The following CALN1 variants were observed in gnomAD, a reference collection of about 807,000 sequenced individuals.
The protein encoded by CALN1 is calcium-binding protein 8.
Under a neutral mutation model 30.6 loss-of-function variants are expected in CALN1, and 17 were observed. The observed-to-expected ratio is 0.56, with a 90% CI of 0.38 to 0.83. CALN1 has a LOEUF of 0.83. CALN1 is among the 40% of genes least tolerant of loss of function. The probability of loss-of-function intolerance (pLI) is 0.00; values close to 1 mark genes in which losing one functional copy is unlikely to be tolerated. For missense variants in CALN1, 291 were observed against 354.9 expected (o/e 0.82, Z 1.45); for synonymous variants, 156 against 131.4 (o/e 1.19, Z -1.28).
chr7:72,025,372 G>A (rs1449395601), intron 4 of CALN1, among the ~76,000 whole-genome samples: 1 of 152,140 alleles, frequency 6.6e-6, no homozygotes, highest in Non-Finnish European at 1.5e-5. Context: ...TCACTGATTT[G>A]CATGCCTATC....
At chr7:72,146,082 C>T (rs1031397500) in intron 3 of CALN1, among the ~76,000 whole-genome samples, 2 of 152,214 alleles carry the variant, frequency 1.3e-5, no homozygotes, top group Non-Finnish European at 2.9e-5. Context: ...TGCCCTCTCT[C>T]ACCACTCCTA....
chr7:71,944,736 T>C (rs1188657896), intron 5 of CALN1, among the ~76,000 whole-genome samples: 1 of 152,122 alleles, frequency 6.6e-6, no homozygotes, highest in Non-Finnish European at 1.5e-5. Context: ...AATCAGTGAA[T>C]TAATACATCC....
rs751763934 is a variant in CALN1 at position 71,962,458 on chromosome 7, G to A, written c.501+61199C>T. On this transcript the variant is annotated intron_variant, in intron 5 of 6. Transcript: ENST00000395275. ...ATTACCTGTAACAAATACCAATACC[G>A]AGTCCATGCTGCGAACTGCTGGCAA... Among the ~76,000 whole-genome samples, 28 of 152,032 alleles carry A rather than the reference G, an allele frequency of 1.8e-4. No individual in the cohort carries two copies. In the East Asian group the frequency reaches 3.1e-3, roughly 17 times the overall value.
chr7:71,869,617 A>C (rs1362434917), intron 5 of CALN1, among the ~76,000 whole-genome samples: 1 of 152,158 alleles, frequency 6.6e-6, no homozygotes, highest in African/African-American at 2.4e-5. Context: ...ACAGGTAATC[A>C]ATATTTTTAA....
chr7:72,431,464 C>T (rs1217939840), intron 1 of CALN1, among the ~76,000 whole-genome samples: 1 of 152,118 alleles, frequency 6.6e-6, no homozygotes, highest in Admixed American at 6.6e-5. Context: ...ACTGCAGCAG[C>T]CTCTATTGCC....
At chr7:72,227,055 A>G (rs995390976) in intron 3 of CALN1, among the ~76,000 whole-genome samples, 2 of 151,900 alleles carry the variant, frequency 1.3e-5, no homozygotes, top group Non-Finnish European at 2.9e-5. Flanking sequence ...ACAGAAAAGT[A>G]AAGATGGGAA....
intron 5 of CALN1, among the ~76,000 whole-genome samples, chr7:71,885,450 C>T (rs1185802694): frequency 6.6e-6 from 1 of 152,344 alleles, no homozygotes; most frequent in South Asian, 2.1e-4. Context: ...CCGCCCCCAG[C>T]CGCCAATGTT....
At chr7:72,414,133 T>C (rs990441555), upstream of CALN1, among the ~76,000 whole-genome samples, 2 of 152,042 alleles carry the variant, frequency 1.3e-5, no homozygotes, top group East Asian at 1.9e-4. Flanking sequence ...GATTCACTCA[T>C]TGGAGGCAGA....
chr7:72,057,827 T>C (rs1803367399), intron 4 of CALN1, among the ~76,000 whole-genome samples: 1 of 152,210 alleles, frequency 6.6e-6, no homozygotes, highest in African/African-American at 2.4e-5. Context: ...GTTTCTGTAT[T>C]GGCATGAAAT....
chr7:72,401,536 C>T (rs753817028), intron 2 of CALN1, among the ~76,000 whole-genome samples: 1 of 152,112 alleles, frequency 6.6e-6, no homozygotes, highest in Non-Finnish European at 1.5e-5. Flanking sequence ...TGTAGAGACC[C>T]TTAGCCCCAG....
chr7:72,243,509 C>T (rs2129551487), intron 3 of CALN1, among the ~76,000 whole-genome samples: 2 of 152,226 alleles, frequency 1.3e-5, no homozygotes, highest in Middle Eastern at 3.4e-3. Context: ...CAAACCTTAG[C>T]TGCATCCGGG....
intron 1 of CALN1, among the ~76,000 whole-genome samples, chr7:72,422,326 C>T (rs1025857475): frequency 3.9e-5 from 6 of 152,150 alleles, no homozygotes; most frequent in African/African-American, 9.7e-5. Context: ...TGACCATTCT[C>T]GCAGGAGTAA....
At chr7:72,132,448 G>A (rs540410131) in intron 3 of CALN1, among the ~76,000 whole-genome samples, 1 of 152,272 alleles carries the variant, frequency 6.6e-6, no homozygotes, top group East Asian at 1.9e-4. Context: ...TCAAAAATGT[G>A]TAAGTCAAGC....
chr7:71,978,491 GTCTTGATCTCCTGACC>G (rs1419710869), intron 5 of CALN1, among the ~76,000 whole-genome samples: 1 of 151,836 alleles, frequency 6.6e-6, no homozygotes, highest in African/African-American at 2.4e-5. Flanking sequence ...AGCCAGGATG[GTCTTGATCTCCTGACC>G]TCGTGATCCG....
intron 5 of CALN1, among the ~76,000 whole-genome samples, chr7:71,935,450 G>C (rs1795777124): frequency 6.6e-6 from 1 of 152,158 alleles, no homozygotes; most frequent in Non-Finnish European, 1.5e-5. Context: ...ATCCCTCTAG[G>C]CCAGGTGCGG....
At chr7:71,975,615 G>T (rs1323410006) in intron 5 of CALN1, among the ~76,000 whole-genome samples, 1 of 151,780 alleles carries the variant, frequency 6.6e-6, no homozygotes, top group Non-Finnish European at 1.5e-5. Flanking sequence ...TATTTTTCTA[G>T]AGATAGGATC....
intron 4 of CALN1, among the ~76,000 whole-genome samples, chr7:72,076,775 C>T (rs949053672): frequency 2.6e-5 from 4 of 151,938 alleles, no homozygotes. Context: ...AATCTAAAAC[C>T]AATTCCAGGT....
intron 5 of CALN1, among the ~76,000 whole-genome samples, chr7:71,812,770 G>T (rs967403108): frequency 6.6e-6 from 1 of 151,688 alleles, no homozygotes; most frequent in Non-Finnish European, 1.5e-5. Context: ...TAGAGACAAG[G>T]TCTTGCTCGG....
At chr7:71,970,521 C>T (rs932227200) in intron 5 of CALN1, among the ~76,000 whole-genome samples, 5 of 151,840 alleles carry the variant, frequency 3.3e-5, no homozygotes, top group African/African-American at 4.8e-5. Context: ...AGGCTTTGGC[C>T]GTTAAGAAAT....
Sources: allele counts gnomAD v4.1 joint callset (sites outside exome capture counted in the v4.1 genomes callset), GRCh38; gene constraint gnomAD v4.1.1; transcripts MANE v1.5; gene names NCBI Gene and HGNC (gene_info 2026-07-23, HGNC 2026-07-21).